HIVEP2: variants seen among roughly 807,000 people sequenced by gnomAD.
The protein encoded by HIVEP2 is HIVEP zinc finger 2.
A neutral mutation model predicts 180.7 loss-of-function variants in HIVEP2; 14 were observed. The ratio of observed to expected loss-of-function variants is 0.08; its 90% CI spans 0.05 to 0.12. The LOEUF (loss-of-function observed/expected upper bound fraction) is 0.12. Among genes scored for constraint, HIVEP2 ranks in the 10% least tolerant of loss-of-function variants. The pLI is 1.00. For missense variants in HIVEP2, 2,579 were observed against 3,008.5 expected (o/e 0.86, Z 3.34); for synonymous variants, 1,184 against 1,136.4 (o/e 1.04, Z -0.84).
At position 142,759,885 on chromosome 6, in the gene HIVEP2, T is replaced by C; in HGVS notation, c.6403A>G (p.Arg2135Gly). ...ARRDLSPRRE[R>G]RYMTTIRAPS... ...GCTCTTATTGTGGTCATGTATCTTC[T>C]CTCTCTTCTAGGAGAGAGGTCTCTT... is the stretch of plus-strand genomic sequence containing the variant. Residue 2135 changes from arginine (R) to glycine (G), a missense_variant, in exon 9 of 10, where the codon AGA becomes GGA. Physicochemically the swap from Arg to Gly is moderately radical, Grantham distance 125. Transcript: ENST00000367603. 6 of 1,614,194 alleles carry C rather than the reference T, an allele frequency of 3.7e-6. No homozygotes were observed. The highest frequency in any genetic ancestry group is 5.1e-6 in the Non-Finnish European group (6 of 1,180,018).
rs572539125 is a variant in HIVEP2 at position 142,859,817 on chromosome 6, A to G, written c.-640-22770T>C. 2.8e-5 allele frequency among the ~76,000 whole-genome samples: 4 copies of G among 144,424 alleles called. No homozygotes were observed. The East Asian group carries it at 8.2e-4, about 30-fold the overall frequency. The allele number at this position is 144,424 out of a possible 152,430, so 94.7% of individuals were successfully genotyped here. ...CCATTGCACTCCAGTCTGGGCAATA[A>G]GAGTGAAACTCCGTCTCAAAAAAAA... is the stretch of plus-strand genomic sequence containing the variant. On this transcript the variant is annotated intron_variant, in intron 1 of 9. Coordinates refer to ENST00000367603, the MANE Select transcript of HIVEP2 (RefSeq NM_006734.4).
At position 142,771,230 on chromosome 6, in the gene HIVEP2, G is replaced by T; in HGVS notation, c.3509C>A (p.Pro1170His). ...HMDSQESLRN[P>H]LIQPTSYMTS... The stretch of plus-strand genomic sequence containing the variant: ...CATATAGGATGTTGGTTGGATCAAG[G>T]GATTTCTCAAAGATTCCTGACTGTC... Residue 1170 changes from proline to histidine, a missense_variant, in exon 5 of 10, where the codon CCC becomes CAC. Coordinates refer to ENST00000367603, the MANE Select transcript of HIVEP2 (RefSeq NM_006734.4). The surrounding 1 kb of genome is among the most constrained non-coding windows in gnomAD (Gnocchi z 5.4). 1.9e-6 allele frequency: 3 copies of T among 1,614,154 alleles called. No homozygotes were observed. The highest frequency in any genetic ancestry group is 1.7e-6 in the Non-Finnish European group (2 of 1,180,024).
chr6:142,823,228 GT>G (rs1179341818), intron 2 of HIVEP2, among the ~76,000 whole-genome samples: 5 of 152,174 alleles, frequency 3.3e-5, no homozygotes. Flanking sequence ...AGGGGTCCTT[GT>G]CATGGGTCCC....
Position 142,770,277 on chromosome 6 carries a change from AGAG to A in HIVEP2, c.4459_4461del (p.Leu1487del). 1 of 1,614,124 alleles carries A rather than the reference AGAG, an allele frequency of 6.2e-7. No individual in the cohort carries two copies. The highest frequency in any genetic ancestry group is 8.5e-7 in the Non-Finnish European group (1 of 1,180,024). On this transcript the variant is annotated inframe_deletion, in exon 5 of 10. Transcript: ENST00000367603. The surrounding 1 kb of genome is among the most constrained non-coding windows in gnomAD (Gnocchi z 4.7). Reference sequence around the variant, plus strand: ...ACCAGCTGGGGTTTCTGGGGGCGGGAGAGGTCCTTTTTGATGTCTGAGTTGGTC... The same window carrying A: ...ACCAGCTGGGGTTTCTGGGGGCGGGAGTCCTTTTTGATGTCTGAGTTGGTC...
At chr6:142,791,115 CTG>C (rs1205213711) in intron 2 of HIVEP2, among the ~76,000 whole-genome samples, 4 of 152,110 alleles carry the variant, frequency 2.6e-5, no homozygotes, top group Admixed American at 6.6e-5. Context: ...GTCTGTGTGC[CTG>C]TGTAGAGATA....
rs145848457 is a variant in HIVEP2, at chr6:142,789,768, A to G, written c.-527-6153T>C. ...AAATTGATTGAATGAGTAAAGAAGT[A>G]AAAAATGAAGAATTAATAATTTTGA... On this transcript the variant is annotated intron_variant, in intron 2 of 9. Coordinates refer to ENST00000367603, the MANE Select transcript of HIVEP2 (RefSeq NM_006734.4). Among the ~76,000 whole-genome samples, 116 of 152,324 alleles carry G rather than the reference A, an allele frequency of 7.6e-4. 1 individual carries two copies. In the East Asian group the frequency reaches 0.021, roughly 28 times the overall value.
chr6:142,877,916 G>A (rs1445238579), intron 1 of HIVEP2, among the ~76,000 whole-genome samples: 1 of 152,170 alleles, frequency 6.6e-6, no homozygotes, highest in Non-Finnish European at 1.5e-5. Context: ...GGAAATGCAA[G>A]TGAAAGAATG....
chr6:142,913,291 T>C (rs376614520), intron 1 of HIVEP2, among the ~76,000 whole-genome samples: 4 of 152,264 alleles, frequency 2.6e-5, no homozygotes, highest in African/African-American at 9.6e-5. Flanking sequence ...ACGAAAAACG[T>C]ACATTTCCTT....
chr6:142,756,778 T>A (rs1483174176), intron 9 of HIVEP2, among the ~76,000 whole-genome samples: 1 of 152,042 alleles, frequency 6.6e-6, no homozygotes, highest in Non-Finnish European at 1.5e-5. Flanking sequence ...AGATACTGAA[T>A]AAATGGATAA....
At chr6:142,855,788 T>C (rs1775803848) in intron 1 of HIVEP2, among the ~76,000 whole-genome samples, 4 of 152,244 alleles carry the variant, frequency 2.6e-5, no homozygotes, top group African/African-American at 7.2e-5. Flanking sequence ...TTTACTGGTA[T>C]GAAAGTGTAA....
intron 2 of HIVEP2, among the ~76,000 whole-genome samples, chr6:142,822,841 A>T (rs1185466888): frequency 6.6e-6 from 1 of 152,198 alleles, no homozygotes; most frequent in Non-Finnish European, 1.5e-5. Context: ...TGAGGGAAGG[A>T]ACACTTATTG....
At chr6:142,941,848 G>C (rs1778186446) in intron 1 of HIVEP2, among the ~76,000 whole-genome samples, 1 of 152,182 alleles carries the variant, frequency 6.6e-6, no homozygotes, top group Non-Finnish European at 1.5e-5. Context: ...TTTTCAGGTA[G>C]ATATTTAAAC....
intron 1 of HIVEP2, among the ~76,000 whole-genome samples, chr6:142,844,455 C>A (rs763138390): frequency 6.6e-6 from 1 of 152,092 alleles, no homozygotes; most frequent in Non-Finnish European, 1.5e-5. Context: ...CTATGAAATT[C>A]GTCATCTTAT....
chr6:142,774,335 G>A lies in HIVEP2; in HGVS notation c.404C>T (p.Ser135Phe). ...TATAGGAAAAGGAAATAAGTCCTCA[G>A]AGGCAACGGATGGCAAAGGGCCAGG... ...LFPGPLPSVA[S>F]EDLFPFPIHG... Residue 135 changes from serine (S) to phenylalanine (F), a missense_variant, in exon 5 of 10, where the codon TCT becomes TTT. Ser to Phe is a radical substitution (Grantham distance 155, BLOSUM62 -2). Around this residue, in one of 11 missense-constraint regions of HIVEP2, gnomAD observed 207 missense variants for 210.1 expected, o/e 0.99. Coordinates refer to ENST00000367603, the MANE Select transcript of HIVEP2 (RefSeq NM_006734.4). This position sits in a 1 kb window ranked among gnomAD's most constrained non-coding sequence, Gnocchi z 5.1. 1.9e-6 allele frequency: 3 copies of A among 1,614,198 alleles called. No individual in the cohort carries two copies. Among genetic ancestry groups the A allele is most frequent in the Non-Finnish European group, 2.5e-6 (3 of 1,180,040 alleles).
chr6:142,771,522 T>C lies in HIVEP2; in HGVS notation c.3217A>G (p.Arg1073Gly). 1.9e-6 allele frequency: 3 copies of C among 1,613,866 alleles called. No individual in the cohort carries two copies. Among genetic ancestry groups the C allele is most frequent in the East Asian group, 2.2e-5 (1 of 44,884 alleles). The change falls in exon 5 of 10, where the codon AGG (arginine) becomes GGG (glycine). Residue 1073 changes from arginine (R) to glycine (G), a missense_variant. Around this residue, in one of 11 missense-constraint regions of HIVEP2, gnomAD observed 523 missense variants for 577.0 expected, o/e 0.91. Transcript: ENST00000367603. The surrounding 1 kb of genome is among the most constrained non-coding windows in gnomAD (Gnocchi z 5.4). ...GAAASTVSPSRERKKCFLVRQ... is the reference protein window; with the variant it reads ...GAAASTVSPSGERKKCFLVRQ... ...ACCAGAAAGCATTTCTTCCTCTCCC[T>C]GGACGGTGATACCGTGGAGGCTGCT...
At position 142,773,703 on chromosome 6, in the gene HIVEP2, C is replaced by A. The variant is rs765422034; in HGVS notation, c.1036G>T (p.Gly346Cys). ...PLPNESSQYI[G>C]PDMLPNPSLN... ...GATGGATTTGGTAGCATATCAGGGC[C>A]AATATACTGAGAGCTTTCATTAGGG... The change falls in exon 5 of 10, where the codon GGC becomes TGC. Residue 346 changes from glycine (G) to cysteine (C), a missense_variant. Around this residue, in one of 11 missense-constraint regions of HIVEP2, gnomAD observed 142 missense variants for 135.2 expected, o/e 1.05. Transcript: ENST00000367603. 1 of 1,614,090 alleles carries A rather than the reference C, an allele frequency of 6.2e-7. No individual in the cohort carries two copies.
At chr6:142,911,153 A>C (rs574065159) in intron 1 of HIVEP2, among the ~76,000 whole-genome samples, 2 of 151,872 alleles carry the variant, frequency 1.3e-5, no homozygotes, top group African/African-American at 4.8e-5. Context: ...AAAAAAAAAA[A>C]AAAAAAACTT....
At chr6:142,910,515 T>C (rs1391475987) in intron 1 of HIVEP2, among the ~76,000 whole-genome samples, 3 of 152,212 alleles carry the variant, frequency 2.0e-5, no homozygotes, top group Non-Finnish European at 4.4e-5. Flanking sequence ...GGCAGGAGAA[T>C]TGTTTGAACC....
At chr6:142,812,813 C>T (rs896735381) in intron 2 of HIVEP2, among the ~76,000 whole-genome samples, 1 of 152,124 alleles carries the variant, frequency 6.6e-6, no homozygotes, top group Admixed American at 6.5e-5. Flanking sequence ...AGGAAAAGTT[C>T]AAAATTTGAT....
Sources: allele counts gnomAD v4.1 joint callset (sites outside exome capture counted in the v4.1 genomes callset), GRCh38; gene constraint gnomAD v4.1.1; regional missense constraint gnomAD v4.1.1; non-coding constraint Gnocchi (gnomAD v3.1); transcripts MANE v1.5; gene names NCBI Gene and HGNC (gene_info 2026-07-23, HGNC 2026-07-21).